NCAM2: variants seen among roughly 807,000 people sequenced by gnomAD.
NCAM2 encodes N-CAM-2.
NCAM2 carries 30 observed loss-of-function variants against 98.1 expected under a neutral mutation model. The ratio of observed to expected loss-of-function variants is 0.31; its 90% CI spans 0.23 to 0.41. NCAM2 has a LOEUF of 0.41. Among genes scored for constraint, NCAM2 ranks in the 10% least tolerant of loss-of-function variants. The pLI is 1.00. For synonymous variants in NCAM2, 368 were observed against 342.4 expected, an observed-to-expected ratio of 1.07 and a Z score of -0.83; for missense variants, 867 against 1,005.8, an observed-to-expected ratio of 0.86 and a Z score of 1.87.
chr21:21,308,187 T>A (rs1426128829), intron 5 of NCAM2, among the ~76,000 whole-genome samples: 3 of 152,114 alleles, frequency 2.0e-5, no homozygotes, highest in Non-Finnish European at 4.4e-5. Flanking sequence ...GTATTTTATA[T>A]TTATCTACAT....
In NCAM2 at chr21:21,280,369, G is replaced by A. The variant is rs572428800; in HGVS notation, c.56-209G>A. Among the ~76,000 whole-genome samples, 6 of 152,240 alleles carry A rather than the reference G, an allele frequency of 3.9e-5. No homozygotes were observed. The South Asian group carries it at 1.2e-3, about 32-fold the overall frequency. ...TTTCAGACTATCAGCTTGAAGAAGTGCTGTATTTAGTCTGATGGTTAAATG... is the reference window on the plus strand; with the variant it reads ...TTTCAGACTATCAGCTTGAAGAAGTACTGTATTTAGTCTGATGGTTAAATG... On this transcript the variant is annotated intron_variant, in intron 1 of 17. Transcript: ENST00000400546.
intron 16 of NCAM2, among the ~76,000 whole-genome samples, chr21:21,529,500 A>G (rs1989506439): frequency 6.6e-6 from 1 of 152,078 alleles, no homozygotes; most frequent in Admixed American, 6.6e-5. Context: ...AACATAGAAT[A>G]CATCAATATT....
intron 16 of NCAM2, among the ~76,000 whole-genome samples, chr21:21,533,748 T>C (rs1989837499): frequency 6.6e-6 from 1 of 151,640 alleles, no homozygotes. Flanking sequence ...ACCAAATAAC[T>C]TCCTTGTTAC....
Position 21,411,523 on chromosome 21 carries a change from G to T in NCAM2, c.1383+1062G>T, listed in dbSNP as rs114630212. Among the ~76,000 whole-genome samples, 465 of 151,838 alleles carry T rather than the reference G, an allele frequency of 3.1e-3. 6 individuals carry two copies. The highest frequency in any genetic ancestry group is 0.011 in the African/African-American group (444 of 41,428). On this transcript the variant is annotated intron_variant, in intron 10 of 17. Transcript: ENST00000400546. ...CCTTTAAATACTGTCTGAATAAAGT[G>T]CCTCTTATTTATTAATTGGAGTGTA... is the stretch of plus-strand genomic sequence containing the variant.
At chr21:21,508,093 G>T (rs1243988646) in intron 15 of NCAM2, among the ~76,000 whole-genome samples, 3 of 151,910 alleles carry the variant, frequency 2.0e-5, no homozygotes, top group Non-Finnish European at 4.4e-5. Flanking sequence ...CTCTTTCATG[G>T]TTACTTTCTT....
At chr21:21,486,408 AG>A (rs1425363832) in intron 15 of NCAM2, among the ~76,000 whole-genome samples, 27 of 151,558 alleles carry the variant, frequency 1.8e-4, no homozygotes, top group Non-Finnish European at 1.3e-4. Flanking sequence ...ATCCATTTAT[AG>A]GGCAAGTTTT....
At chr21:21,520,528 A>G (rs1460087) in intron 16 of NCAM2, among the ~76,000 whole-genome samples, 50,143 of 152,026 alleles carry the variant, frequency 0.33, 9,712 homozygotes, top group East Asian at 0.63. Context: ...TGAAATATCA[A>G]TTGTATTTTC....
At chr21:21,377,472 A>G (rs920242801) in intron 9 of NCAM2, among the ~76,000 whole-genome samples, 1 of 151,826 alleles carries the variant, frequency 6.6e-6, no homozygotes, top group Non-Finnish European at 1.5e-5. Context: ...AAATGTACTT[A>G]TTTACTTTTA....
intron 15 of NCAM2, among the ~76,000 whole-genome samples, chr21:21,508,591 A>G (rs901221947): frequency 2.0e-5 from 3 of 148,018 alleles, no homozygotes; most frequent in Non-Finnish European, 4.5e-5. Context: ...CTTTGTTAAT[A>G]AAAAAAAAAG....
intron 1 of NCAM2, among the ~76,000 whole-genome samples, chr21:21,120,082 T>A (rs1171042762): frequency 6.6e-6 from 1 of 152,240 alleles, no homozygotes; most frequent in Non-Finnish European, 1.5e-5. Flanking sequence ...TTTAATCTGC[T>A]GCTTATTTCG....
chr21:21,066,467 A>G (rs1257589789), intron 1 of NCAM2, among the ~76,000 whole-genome samples: 3 of 152,044 alleles, frequency 2.0e-5, no homozygotes, highest in Non-Finnish European at 4.4e-5. Context: ...TTCAAACCGT[A>G]ATTGTTTTAC....
intron 16 of NCAM2, among the ~76,000 whole-genome samples, chr21:21,524,156 G>A (rs1428657755): frequency 6.6e-6 from 1 of 151,984 alleles, no homozygotes; most frequent in African/African-American, 2.4e-5. Flanking sequence ...AAATATTGAT[G>A]CCAGATGCAG....
At chr21:21,124,129 G>A (rs1293586240) in intron 1 of NCAM2, among the ~76,000 whole-genome samples, 1 of 151,976 alleles carries the variant, frequency 6.6e-6, no homozygotes, top group Non-Finnish European at 1.5e-5. Context: ...TTACAGGCGT[G>A]AGCCACCGCG....
chr21:21,534,786 A>C (rs1989893811), intron 17 of NCAM2, 130 bp downstream of exon 17: 2 of 953,768 alleles, frequency 2.1e-6, no homozygotes, highest in South Asian at 8.1e-5. Flanking sequence ...TTTTTGATGA[A>C]AGTACATGTG....
At chr21:21,211,644 C>T (rs1188167435) in intron 1 of NCAM2, among the ~76,000 whole-genome samples, 1 of 152,092 alleles carries the variant, frequency 6.6e-6, no homozygotes, top group African/African-American at 2.4e-5. Context: ...AACAGAAAAA[C>T]AGGGCACACG....
chr21:21,474,035 T>C (rs192855819), intron 14 of NCAM2, among the ~76,000 whole-genome samples: 7 of 152,190 alleles, frequency 4.6e-5, no homozygotes, highest in Middle Eastern at 3.4e-3. Context: ...TCTCATTAAG[T>C]TACCTAGGGG....
intron 1 of NCAM2, among the ~76,000 whole-genome samples, chr21:21,108,749 C>T (rs1377393689): frequency 6.6e-6 from 1 of 152,086 alleles, no homozygotes; most frequent in East Asian, 1.9e-4. Context: ...ACTAGCATAG[C>T]TCATGAATCT....
chr21:21,343,190 T>A (rs1393887903), intron 8 of NCAM2, among the ~76,000 whole-genome samples: 4 of 152,152 alleles, frequency 2.6e-5, no homozygotes, highest in Non-Finnish European at 5.9e-5. Flanking sequence ...AAAATACATA[T>A]ATGTAAAAAA....
chr21:21,329,932 G>A (rs1329497186), intron 6 of NCAM2, among the ~76,000 whole-genome samples: 3 of 151,918 alleles, frequency 2.0e-5, no homozygotes, highest in Admixed American at 6.6e-5. Flanking sequence ...GTATTTACTG[G>A]CATTGTCATT....
Sources: gnomAD v4.1 joint callset for allele counts (sites outside exome capture counted in the v4.1 genomes callset) on GRCh38, gnomAD v4.1.1 for gene constraint, MANE v1.5 for transcripts, NCBI Gene and HGNC (gene_info 2026-07-23, HGNC 2026-07-21) for gene names.